The following KICS2 variants were observed in gnomAD, a reference collection of about 807,000 sequenced individuals.
KICS2 encodes the protein KICSTOR complex protein C12orf66.
Under a neutral mutation model 31.4 loss-of-function variants are expected in KICS2, and 13 were observed. The observed-to-expected ratio is 0.41, with a 90% CI of 0.27 to 0.66. KICS2 has a LOEUF of 0.66. KICS2 is among the 30% of genes least tolerant of loss of function. KICS2 has a pLI of 0.28. For synonymous variants in KICS2, 209 were observed against 214.8 expected (o/e 0.97, Z 0.24); for missense variants, 455 against 545.4 (o/e 0.83, Z 1.65).
At chr12:64,219,460 A>C (rs527533353) in intron 1 of KICS2, among the ~76,000 whole-genome samples, 1 of 152,314 alleles carries the variant, frequency 6.6e-6, no homozygotes, top group East Asian at 1.9e-4. Context: ...ACAGGAAAAG[A>C]AAGCTCCCTG....
chr12:64,221,917 A>G (rs2037687360), intron 1 of KICS2, 86 bp downstream of exon 1: 1 of 1,388,418 alleles, frequency 7.2e-7, no homozygotes, highest in Non-Finnish European at 9.7e-7. Context: ...AGTGACACAG[A>G]GACGGGAAAC....
In KICS2 at chr12:64,217,968, T is replaced by C. The variant is rs115381850; in HGVS notation, c.236-2005A>G. 2.1e-3 allele frequency among the ~76,000 whole-genome samples: 318 copies of C among 152,084 alleles called. 1 individual carries two copies. The highest frequency in any genetic ancestry group is 7.4e-3 in the African/African-American group (307 of 41,516). ...AAAGAAAGAAAGTTAGTTTATGAATTTGTGTTGGGCCGCATTCAAAGCCAT... is the reference window on the plus strand; with the variant it reads ...AAAGAAAGAAAGTTAGTTTATGAATCTGTGTTGGGCCGCATTCAAAGCCAT... On this transcript the variant is annotated intron_variant, in intron 1 of 2. Coordinates refer to ENST00000398055, the MANE Select transcript of KICS2 (RefSeq NM_152440.5).
chr12:64,186,484 A>G (rs1432802190), downstream of KICS2: 1 of 152,226 alleles, frequency 6.6e-6, no homozygotes, highest in East Asian at 1.9e-4. Context: ...TAAAAATGGA[A>G]AATGGTAGCT....
intron 1 of KICS2, among the ~76,000 whole-genome samples, chr12:64,220,135 T>C (rs1031701015): frequency 6.6e-6 from 1 of 152,198 alleles, no homozygotes; most frequent in African/African-American, 2.4e-5. Context: ...TACTCAGAAA[T>C]GAGGAGCCCA....
chr12:64,187,342 C>T (rs2037346268), downstream of KICS2: 2 of 417,452 alleles, frequency 4.8e-6, no homozygotes, highest in African/African-American at 4.1e-5. Context: ...ACCCCAGATT[C>T]TGACATTAGG....
At chr12:64,209,006 A>G (rs972794976) in intron 2 of KICS2, among the ~76,000 whole-genome samples, 4 of 152,140 alleles carry the variant, frequency 2.6e-5, no homozygotes, top group Non-Finnish European at 5.9e-5. Context: ...CAAACAATAA[A>G]TAAGTGTGTA....
Position 64,194,652 on chromosome 12 carries a change from G to A in KICS2, c.528C>T (p.His176=). The change falls in exon 3 of 3, where the codon CAC becomes CAT. Residue 176 remains histidine (H), a synonymous_variant. Coordinates refer to ENST00000398055, the MANE Select transcript of KICS2 (RefSeq NM_152440.5). ...TTTCCAAAGGACTGAGGATTGGGTG[G>A]TGAAATCTAAAGGGGAGAGGGAAAT... ...AIMKKYSSRF[H]HPILSPLESS... 6.2e-7 allele frequency: 1 copy of A among 1,606,920 alleles called. No individual in the cohort carries two copies. The highest frequency in any genetic ancestry group is 8.5e-7 in the Non-Finnish European group (1 of 1,175,070).
chr12:64,216,612 T>C (rs1592389477), intron 1 of KICS2, among the ~76,000 whole-genome samples: 3 of 152,304 alleles, frequency 2.0e-5, no homozygotes, highest in Admixed American at 2.0e-4. Flanking sequence ...TGACACTATA[T>C]GTTATAAATA....
Position 64,192,111 on chromosome 12 carries a change from A to C in KICS2, c.*1731T>G, listed in dbSNP as rs1265741014. 6.7e-6 allele frequency: 1 copy of C among 148,232 alleles called. No individual in the cohort carries two copies. Among genetic ancestry groups the C allele is most frequent in the Non-Finnish European group, 1.5e-5 (1 of 67,096 alleles). The allele number at this position is 148,232 out of a possible 1,614,324, so 9.2% of individuals were successfully genotyped here. A position where few individuals can be genotyped will look rare whatever the true frequency, so the allele number is the denominator to read the frequency against. ...CAGAAAATAAAAAATAGGCCAGTAG[A>C]TTCTTGGTTCTTCTTCTTCTTTTTT... On this transcript the variant is annotated 3_prime_UTR_variant, in exon 3 of 3. Transcript: ENST00000398055.
At chr12:64,199,006 T>C (rs1160760419) in intron 2 of KICS2, among the ~76,000 whole-genome samples, 6 of 138,846 alleles carry the variant, frequency 4.3e-5, no homozygotes, top group Non-Finnish European at 7.8e-5. Flanking sequence ...GATTCACAGC[T>C]GAATTCTACC....
Position 64,194,639 on chromosome 12 carries a change from T to C in KICS2, c.541A>G (p.Ser181Gly), listed in dbSNP as rs2037415832. The change falls in exon 3 of 3, where the codon AGT becomes GGT. Residue 181 changes from serine (S) to glycine (G), a missense_variant. Ser to Gly is a moderately conservative substitution (Grantham distance 56). Coordinates refer to ENST00000398055, the MANE Select transcript of KICS2 (RefSeq NM_152440.5). Reference protein sequence around the residue: ...YSSRFHHPILSPLESSFQLEV... With the variant: ...YSSRFHHPILGPLESSFQLEV... The stretch of plus-strand genomic sequence containing the variant: ...AGCTGGAAACTGCTTTCCAAAGGAC[T>C]GAGGATTGGGTGGTGAAATCTAAAG... 6.2e-7 allele frequency: 1 copy of C among 1,612,438 alleles called. No homozygotes were observed. The highest frequency in any genetic ancestry group is 1.3e-5 in the African/African-American group (1 of 74,866).
At chr12:64,195,469 C>T (rs1334654552) in intron 2 of KICS2, among the ~76,000 whole-genome samples, 1 of 152,160 alleles carries the variant, frequency 6.6e-6, no homozygotes, top group Non-Finnish European at 1.5e-5. Flanking sequence ...ATATGGAAAA[C>T]ACAGTAGATA....
chr12:64,202,554 C>T lies in KICS2; in HGVS notation c.522-7896G>A, dbSNP rs1331522210. 3.3e-5 allele frequency among the ~76,000 whole-genome samples: 5 copies of T among 150,922 alleles called. 1 individual carries two copies. Among genetic ancestry groups the T allele is most frequent in the Non-Finnish European group, 7.4e-5 (5 of 67,840 alleles). On this transcript the variant is annotated intron_variant, in intron 2 of 2. Coordinates refer to ENST00000398055, the MANE Select transcript of KICS2 (RefSeq NM_152440.5). ...TGCTTGAGTCATAATGTTCTAGAGA[C>T]AAAGGAGTGAATAGAGGAGGCAGCT...
chr12:64,221,820 G>C (rs2037686236), intron 1 of KICS2, 183 bp downstream of exon 1: 1 of 696,434 alleles, frequency 1.4e-6, no homozygotes, highest in Non-Finnish European at 2.4e-6. Context: ...AGCAGCGCAG[G>C]CCGGTGGGCG....
intron 2 of KICS2, among the ~76,000 whole-genome samples, chr12:64,212,819 G>A (rs947646085): frequency 1.3e-5 from 2 of 152,144 alleles, no homozygotes; most frequent in Non-Finnish European, 2.9e-5. Flanking sequence ...GCTGGACACA[G>A]TAGCTCACTC....
At chr12:64,202,303 T>C (rs866569141) in intron 2 of KICS2, among the ~76,000 whole-genome samples, 1 of 151,926 alleles carries the variant, frequency 6.6e-6, no homozygotes. Context: ...CTACTCAAAT[T>C]AGAAGGCTGA....
rs936681242 is a variant in KICS2, at chr12:64,216,043, C to A, written c.236-80G>T. 6.8e-6 allele frequency: 9 copies of A among 1,317,970 alleles called. No homozygotes were observed. The African/African-American group carries it at 1.4e-4, about 21-fold the overall frequency. The allele number at this position is 1,317,970 out of a possible 1,614,324, so 81.6% of individuals were successfully genotyped here. A position where few individuals can be genotyped will look rare whatever the true frequency, so the allele number is the denominator to read the frequency against. ...CCAAACACCTACCAACATGCAAAAG[C>A]AAAGAATCCAAACCCATTGAGCTCA... On this transcript the variant is annotated intron_variant, in intron 1 of 2. Coordinates refer to ENST00000398055, the MANE Select transcript of KICS2 (RefSeq NM_152440.5).
At chr12:64,217,962 A>T (rs1263716286) in intron 1 of KICS2, among the ~76,000 whole-genome samples, 2 of 152,226 alleles carry the variant, frequency 1.3e-5, no homozygotes, top group Non-Finnish European at 2.9e-5. Flanking sequence ...AAGTTAGTTT[A>T]TGAATTTGTG....
Position 64,193,709 on chromosome 12 carries a change from A to T in KICS2, c.*133T>A, listed in dbSNP as rs1254337826. ...TAATTGCTTATAAAGTGTGCAACAC[A>T]GGGAGGATTTGTCTTTAATTTAGTT... On this transcript the variant is annotated 3_prime_UTR_variant, in exon 3 of 3. Coordinates refer to ENST00000398055, the MANE Select transcript of KICS2 (RefSeq NM_152440.5). 1 of 1,443,442 alleles carries T rather than the reference A, an allele frequency of 6.9e-7. No homozygotes were observed. Among genetic ancestry groups the T allele is most frequent in the Non-Finnish European group, 9.1e-7 (1 of 1,103,724 alleles). The allele number at this position is 1,443,442 out of a possible 1,614,324, so 89.4% of individuals were successfully genotyped here. A position where few individuals can be genotyped will look rare whatever the true frequency, so the allele number is the denominator to read the frequency against.
Sources: gnomAD v4.1 joint callset for allele counts (sites outside exome capture counted in the v4.1 genomes callset) on GRCh38, gnomAD v4.1.1 for gene constraint, MANE v1.5 for transcripts, NCBI Gene and HGNC (gene_info 2026-07-23, HGNC 2026-07-21) for gene names.